The following TLE1 variants were observed in gnomAD, a reference collection of about 807,000 sequenced individuals.
TLE1 encodes the protein transducin-like enhancer protein 1.
In TLE1, 21 loss-of-function variants were observed where a neutral mutation model predicts 89.8. The observed-to-expected ratio is 0.23, with a 90% CI of 0.17 to 0.34. The LOEUF (loss-of-function observed/expected upper bound fraction) is 0.34, where lower values mean the gene tolerates loss of function less well. Ranked by LOEUF, TLE1 falls within the 10% of genes least tolerant of loss-of-function variation. The probability of loss-of-function intolerance (pLI) is 1.00; values close to 1 mark genes in which losing one functional copy is unlikely to be tolerated. For missense variants in TLE1, 795 were observed against 1,031.2 expected, an observed-to-expected ratio of 0.77 and a Z score of 3.14; for synonymous variants, 447 against 407.6, an observed-to-expected ratio of 1.10 and a Z score of -1.16.
intron 15 of TLE1, among the ~76,000 whole-genome samples, chr9:81,592,621 C>T (rs1829702875): frequency 6.6e-6 from 1 of 152,024 alleles, no homozygotes; most frequent in Admixed American, 6.6e-5. Context: ...GTTTTTATGC[C>T]ATGTTATCAA....
chr9:81,646,962 T>C (rs868774991), intron 6 of TLE1, among the ~76,000 whole-genome samples: 17 of 152,036 alleles, frequency 1.1e-4, no homozygotes, highest in South Asian at 2.1e-4. Context: ...GTTATGTTCA[T>C]GAAAAATAAG....
chr9:81,585,528 A>G lies in TLE1; in HGVS notation c.2105T>C (p.Leu702Pro). 1 of 1,613,934 alleles carries G rather than the reference A, an allele frequency of 6.2e-7. No individual in the cohort carries two copies. The highest frequency in any genetic ancestry group is 8.5e-7 in the Non-Finnish European group (1 of 1,179,996). Residue 702 changes from leucine to proline, a missense_variant, in exon 18 of 20, where the codon CTG becomes CCG. Physicochemically the swap from Leu to Pro is moderately conservative, Grantham distance 98. This residue lies in a region of TLE1 where 214 missense variants were observed against 354.9 expected (regional missense o/e 0.60). Coordinates refer to ENST00000376499, the MANE Select transcript of TLE1 (RefSeq NM_005077.5). ...YQLHLHESCVLSLKFAYCGKW... is the reference protein window; with the variant it reads ...YQLHLHESCVPSLKFAYCGKW... The stretch of plus-strand genomic sequence containing the variant: ...ACCACAGTAAGCAAATTTCAGGGAC[A>G]GCACGCAGCTCTCATGCAGGTGCAG...
At chr9:81,625,282 C>T (rs188852563) in intron 8 of TLE1, among the ~76,000 whole-genome samples, 2 of 152,316 alleles carry the variant, frequency 1.3e-5, no homozygotes, top group African/African-American at 4.8e-5. Flanking sequence ...CTAAGGGTTA[C>T]ATCTAACTTG....
At chr9:81,621,414 G>A (rs1472066182) in intron 8 of TLE1, among the ~76,000 whole-genome samples, 3 of 152,164 alleles carry the variant, frequency 2.0e-5, no homozygotes, top group Non-Finnish European at 4.4e-5. Context: ...CATATGCAAG[G>A]GGGCAATTTG....
intron 6 of TLE1, 76 bp from the exon 7 acceptor site, chr9:81,634,377 G>C: frequency 8.2e-7 from 1 of 1,224,554 alleles, no homozygotes; most frequent in Non-Finnish European, 1.1e-6. Context: ...GATGGAGGCG[G>C]CATCCAGGGG....
At chr9:81,617,223 A>G (rs960069042) in intron 9 of TLE1, among the ~76,000 whole-genome samples, 1 of 152,164 alleles carries the variant, frequency 6.6e-6, no homozygotes, top group South Asian at 2.1e-4. Flanking sequence ...AGTAACAAAA[A>G]AGTAAATTAA....
At chr9:81,669,913 G>C (rs1832000717) in intron 4 of TLE1, among the ~76,000 whole-genome samples, 2 of 152,152 alleles carry the variant, frequency 1.3e-5, no homozygotes, top group Non-Finnish European at 2.9e-5. Flanking sequence ...GGCCCCCACA[G>C]TATATCAATG....
intron 8 of TLE1, among the ~76,000 whole-genome samples, chr9:81,632,326 G>T (rs1254466255): frequency 6.6e-6 from 1 of 151,858 alleles, no homozygotes; most frequent in African/African-American, 2.4e-5. Flanking sequence ...CGCACATCCA[G>T]ATACATGAAA....
chr9:81,665,644 G>A (rs912226252), intron 4 of TLE1, among the ~76,000 whole-genome samples: 11 of 152,104 alleles, frequency 7.2e-5, no homozygotes, highest in Non-Finnish European at 1.0e-4. Flanking sequence ...TCCTATCTTC[G>A]CAGCAGCTCT....
At chr9:81,632,177 ACT>A (rs902179290) in intron 8 of TLE1, among the ~76,000 whole-genome samples, 11 of 151,904 alleles carry the variant, frequency 7.2e-5, no homozygotes, top group African/African-American at 2.2e-4. Context: ...ACTTATCTGT[ACT>A]CTGTGTGTAG....
chr9:81,603,232 G>A (rs1831178862), intron 14 of TLE1, among the ~76,000 whole-genome samples: 1 of 152,152 alleles, frequency 6.6e-6, no homozygotes, highest in Admixed American at 6.5e-5. Flanking sequence ...TGTGTCATAG[G>A]CTTTCTAGGA....
At chr9:81,649,712 C>T (rs564754682) in intron 6 of TLE1, among the ~76,000 whole-genome samples, 3 of 152,270 alleles carry the variant, frequency 2.0e-5, no homozygotes, top group South Asian at 4.1e-4. Flanking sequence ...ATTTACTCTG[C>T]GCGCAGCTGC....
At position 81,669,470 on chromosome 9, in the gene TLE1, C is replaced by T. The variant is rs373698223; in HGVS notation, c.235-15434G>A. Among the ~76,000 whole-genome samples, 10 of 152,294 alleles carry T rather than the reference C, an allele frequency of 6.6e-5. 1 individual carries two copies. Among genetic ancestry groups the T allele is most frequent in the African/African-American group, 2.4e-4 (10 of 41,570 alleles). Reference sequence around the variant, plus strand: ...CAGGTTTTAGATCATCAGCTGAAGTCTGGAACGCAATTTTCCAGTCTGCAA... The same window carrying T: ...CAGGTTTTAGATCATCAGCTGAAGTTTGGAACGCAATTTTCCAGTCTGCAA... On this transcript the variant is annotated intron_variant, in intron 4 of 19. Transcript: ENST00000376499.
At chr9:81,636,161 A>G (rs891725419) in intron 6 of TLE1, among the ~76,000 whole-genome samples, 7 of 152,110 alleles carry the variant, frequency 4.6e-5, no homozygotes, top group African/African-American at 1.7e-4. Context: ...CTACTCATTC[A>G]CCATTTGAGA....
chr9:81,649,007 A>G (rs2132578101), intron 6 of TLE1, among the ~76,000 whole-genome samples: 1 of 152,318 alleles, frequency 6.6e-6, no homozygotes, highest in South Asian at 2.1e-4. Context: ...TTGTGACAAG[A>G]CTACAATACA....
intron 14 of TLE1, among the ~76,000 whole-genome samples, chr9:81,609,300 G>C (rs958312984): frequency 6.6e-6 from 1 of 152,106 alleles, no homozygotes; most frequent in African/African-American, 2.4e-5. Context: ...GGCCAGGCTG[G>C]TCTCGAACCC....
At position 81,688,960 on chromosome 9, in the gene TLE1, C is replaced by A. The variant is rs942728925; in HGVS notation, c.-720G>T. 1 of 152,370 alleles carries A rather than the reference C, an allele frequency of 6.6e-6. No individual in the cohort carries two copies. Among genetic ancestry groups the A allele is most frequent in the African/African-American group, 2.4e-5 (1 of 41,458 alleles). The allele number at this position is 152,370 out of a possible 1,614,324, so 9.4% of individuals were successfully genotyped here. A position where few individuals can be genotyped will look rare whatever the true frequency, so the allele number is the denominator to read the frequency against. On this transcript the variant is annotated 5_prime_UTR_variant, in exon 1 of 20. Coordinates refer to ENST00000376499, the MANE Select transcript of TLE1 (RefSeq NM_005077.5). ...CTCGGCACGCCCCGTGCGACCAGCACTCGGTGTTCTCCGCGGTTGCACAAA... is the reference window on the plus strand; with the variant it reads ...CTCGGCACGCCCCGTGCGACCAGCAATCGGTGTTCTCCGCGGTTGCACAAA...
intron 4 of TLE1, among the ~76,000 whole-genome samples, chr9:81,666,516 C>T (rs1041575480): frequency 6.6e-6 from 1 of 152,078 alleles, no homozygotes; most frequent in African/African-American, 2.4e-5. Flanking sequence ...GTGGCTCACA[C>T]CTGTAATCCC....
At chr9:81,652,395 G>C (rs942764199) in intron 5 of TLE1, 107 bp from the exon 6 acceptor site, 1 of 810,908 alleles carries the variant, frequency 1.2e-6, no homozygotes, top group Admixed American at 2.3e-5. Flanking sequence ...TGAAGTAGAA[G>C]GGTTTAAATG....
Sources: allele counts gnomAD v4.1 joint callset (sites outside exome capture counted in the v4.1 genomes callset), GRCh38; gene constraint gnomAD v4.1.1; regional missense constraint gnomAD v4.1.1; transcripts MANE v1.5; gene names NCBI Gene and HGNC (gene_info 2026-07-23, HGNC 2026-07-21).